Variants in SNTG1 observed in about 807,000 individuals in gnomAD.
SNTG1 encodes the protein gamma-1-syntrophin.
A neutral mutation model predicts 74.7 loss-of-function variants in SNTG1; 39 were observed. The ratio of observed to expected loss-of-function variants is 0.52; its 90% confidence interval spans 0.40 to 0.68. The LOEUF is 0.68. Ranked by LOEUF, SNTG1 falls within the 30% of genes least tolerant of loss-of-function variation. The pLI is 0.00. For synonymous variants in SNTG1, 254 were observed against 217.1 expected, an observed-to-expected ratio of 1.17 and a Z score of -1.49; for missense variants, 685 against 609.5, an observed-to-expected ratio of 1.12 and a Z score of -1.30.
intron 2 of SNTG1, among the ~76,000 whole-genome samples, chr8:50,279,891 C>A (rs751609544): frequency 1.3e-5 from 2 of 152,186 alleles, no homozygotes; most frequent in East Asian, 3.9e-4. Context: ...GCCTTCCCCA[C>A]TGATAACACA....
chr8:50,468,284 T>G (rs936665426), intron 8 of SNTG1, among the ~76,000 whole-genome samples: 5 of 152,080 alleles, frequency 3.3e-5, no homozygotes, highest in African/African-American at 4.8e-5. Context: ...TCAGTGTTTT[T>G]GCCACACATA....
intron 1 of SNTG1, among the ~76,000 whole-genome samples, chr8:49,961,395 A>G (rs1466835295): frequency 6.6e-6 from 1 of 152,202 alleles, no homozygotes; most frequent in Non-Finnish European, 1.5e-5. Context: ...GAAAAAGAAT[A>G]ATTGGTGCTT....
chr8:50,786,639 A>G (rs1380019054), intron 18 of SNTG1, among the ~76,000 whole-genome samples: 1 of 151,952 alleles, frequency 6.6e-6, no homozygotes, highest in Admixed American at 6.6e-5. Context: ...TTGTCATAAG[A>G]ATGGACATAT....
chr8:50,789,410 C>T (rs1267875600), intron 18 of SNTG1, among the ~76,000 whole-genome samples: 1 of 151,964 alleles, frequency 6.6e-6, no homozygotes, highest in African/African-American at 2.4e-5. Flanking sequence ...ATCCTGCACA[C>T]CTTGATCTTC....
At chr8:49,912,485 G>A (rs1805663764) in intron 1 of SNTG1, among the ~76,000 whole-genome samples, 1 of 152,000 alleles carries the variant, frequency 6.6e-6, no homozygotes, top group Admixed American at 6.6e-5. Flanking sequence ...TTTGGATCTG[G>A]CATATCTTGT....
At chr8:50,755,760 G>A (rs1222203349) in intron 18 of SNTG1, among the ~76,000 whole-genome samples, 2 of 151,830 alleles carry the variant, frequency 1.3e-5, no homozygotes, top group African/African-American at 2.4e-5. Context: ...AATCTCACCA[G>A]TAACTGTTGT....
chr8:49,930,459 A>G (rs1339107939), intron 1 of SNTG1, among the ~76,000 whole-genome samples: 1 of 147,394 alleles, frequency 6.8e-6, no homozygotes, highest in African/African-American at 2.5e-5. Context: ...CAATCTAGAA[A>G]TAAAAGAGGA....
chr8:50,487,796 C>T (rs1259672262), intron 8 of SNTG1, among the ~76,000 whole-genome samples: 1 of 151,462 alleles, frequency 6.6e-6, no homozygotes, highest in Admixed American at 6.6e-5. Flanking sequence ...TGTAACTAAC[C>T]TGCACAATGT....
At chr8:50,642,894 C>A (rs914264431) in intron 13 of SNTG1, among the ~76,000 whole-genome samples, 13 of 152,048 alleles carry the variant, frequency 8.5e-5, no homozygotes, top group Non-Finnish European at 1.8e-4. Flanking sequence ...TATTTGGTTT[C>A]CTGCTGTGTC....
chr8:50,045,505 G>A (rs757157560), intron 1 of SNTG1, among the ~76,000 whole-genome samples: 3 of 152,078 alleles, frequency 2.0e-5, no homozygotes, highest in African/African-American at 7.2e-5. Context: ...CCACCAGACC[G>A]CATCTCCAAC....
intron 1 of SNTG1, among the ~76,000 whole-genome samples, chr8:49,920,245 G>A (rs1051930305): frequency 1.3e-4 from 20 of 152,046 alleles, no homozygotes; most frequent in African/African-American, 3.9e-4. Context: ...TTTAGTTTCC[G>A]TTCGTAATAC....
chr8:50,472,408 G>A (rs905930373), intron 8 of SNTG1, among the ~76,000 whole-genome samples: 1 of 152,080 alleles, frequency 6.6e-6, no homozygotes, highest in Non-Finnish European at 1.5e-5. Flanking sequence ...ACATTTTAAA[G>A]ACCATTCAAT....
chr8:49,996,496 T>C (rs143568289), intron 1 of SNTG1, among the ~76,000 whole-genome samples: 6 of 152,188 alleles, frequency 3.9e-5, no homozygotes, highest in Admixed American at 6.5e-5. Context: ...TCATACTGCA[T>C]CTTGGAGAGA....
At chr8:50,064,747 C>A (rs768278748) in intron 1 of SNTG1, among the ~76,000 whole-genome samples, 1 of 152,088 alleles carries the variant, frequency 6.6e-6, no homozygotes, top group Non-Finnish European at 1.5e-5. Flanking sequence ...GGGCTCTGAC[C>A]GGACGTTTAC....
intron 1 of SNTG1, among the ~76,000 whole-genome samples, chr8:50,015,965 T>G (rs1017641363): frequency 1.1e-4 from 17 of 152,064 alleles, no homozygotes; most frequent in African/African-American, 4.1e-4. Flanking sequence ...CAGTTGGGTG[T>G]TGTTGTGGAG....
intron 2 of SNTG1, among the ~76,000 whole-genome samples, chr8:50,174,607 G>T (rs1038555188): frequency 6.6e-5 from 10 of 152,248 alleles, no homozygotes; most frequent in African/African-American, 2.4e-4. Context: ...ATGTTTTCAA[G>T]TTATTTTTCA....
At chr8:50,647,873 C>T (rs925208151) in intron 13 of SNTG1, among the ~76,000 whole-genome samples, 4 of 149,600 alleles carry the variant, frequency 2.7e-5, no homozygotes, top group Admixed American at 2.0e-4. Flanking sequence ...TCTATTATGC[C>T]TGTAATTCCC....
At chr8:50,773,758 A>C (rs1251386255) in intron 18 of SNTG1, among the ~76,000 whole-genome samples, 1 of 152,156 alleles carries the variant, frequency 6.6e-6, no homozygotes, top group Non-Finnish European at 1.5e-5. Context: ...TAGACTCAAT[A>C]GAAGCTTTCT....
At chr8:50,691,650 A>G (rs2131449741) in intron 15 of SNTG1, among the ~76,000 whole-genome samples, 1 of 152,260 alleles carries the variant, frequency 6.6e-6, no homozygotes, top group East Asian at 1.9e-4. Flanking sequence ...CTTTGTGGGT[A>G]ACCCAACCTT....
Sources: gnomAD v4.1 joint callset for allele counts (sites outside exome capture counted in the v4.1 genomes callset) on GRCh38, gnomAD v4.1.1 for gene constraint, MANE v1.5 for transcripts, NCBI Gene and HGNC (gene_info 2026-07-23, HGNC 2026-07-21) for gene names.